VPS13A: variants seen among roughly 807,000 people sequenced by gnomAD.
VPS13A encodes the protein vacuolar protein sorting 13 homolog A, also known as intermembrane lipid transfer protein VPS13A.
VPS13A carries 264 observed loss-of-function variants against 390.9 expected under a neutral mutation model. That is an observed-to-expected ratio of 0.68 (90% CI 0.61 to 0.75). VPS13A has a LOEUF of 0.75. Ranked by LOEUF, VPS13A falls within the 30% of genes least tolerant of loss-of-function variation. The pLI is 0.00. For missense variants in VPS13A, 3,409 were observed against 3,733.9 expected (o/e 0.91, Z 2.27); for synonymous variants, 1,231 against 1,227.1 (o/e 1.00, Z -0.07).
At chr9:77,393,404 C>T (rs1355946600) in intron 68 of VPS13A, among the ~76,000 whole-genome samples, 1 of 152,172 alleles carries the variant, frequency 6.6e-6, no homozygotes, top group East Asian at 1.9e-4. Context: ...ATTTTGACCT[C>T]GTCTTATTAA....
In VPS13A at chr9:77,393,796, G is replaced by A. The variant is rs188594086; in HGVS notation, c.9190-9440G>A. ...TTCTTTTTCTTTTTTTTGAGACGGAGTCTCGCTCTGTCACCCAGGTAGCCT... is the reference window on the plus strand; with the variant it reads ...TTCTTTTTCTTTTTTTTGAGACGGAATCTCGCTCTGTCACCCAGGTAGCCT... On this transcript the variant is annotated intron_variant, in intron 68 of 71. Coordinates refer to ENST00000360280, the MANE Select transcript of VPS13A (RefSeq NM_033305.3). Among the ~76,000 whole-genome samples the A allele has an allele frequency of 2.4e-3, 369 of 152,224 alleles. 2 individuals are homozygous for A. Among genetic ancestry groups the A allele is most frequent in the African/African-American group, 8.6e-3 (356 of 41,532 alleles).
chr9:77,289,170 T>C (rs144188356), intron 31 of VPS13A, among the ~76,000 whole-genome samples: 1 of 152,292 alleles, frequency 6.6e-6, no homozygotes, highest in East Asian at 1.9e-4. Context: ...GTGTTTAAGC[T>C]CGCCTCAGCC....
At chr9:77,381,309 A>C (rs1833421607) in intron 67 of VPS13A, among the ~76,000 whole-genome samples, 1 of 152,086 alleles carries the variant, frequency 6.6e-6, no homozygotes, top group African/African-American at 2.4e-5. Flanking sequence ...AGAGCAGTGT[A>C]TGCTGCCCAG....
At chr9:77,263,095 G>C (rs866890616) in intron 23 of VPS13A, among the ~76,000 whole-genome samples, 1 of 149,284 alleles carries the variant, frequency 6.7e-6, no homozygotes, top group Non-Finnish European at 1.5e-5. Context: ...TCTAGCATCT[G>C]TTGTTTCCCA....
intron 23 of VPS13A, 51 bp downstream of exon 23, chr9:77,260,275 A>G: frequency 6.3e-7 from 1 of 1,581,240 alleles, no homozygotes; most frequent in Non-Finnish European, 8.7e-7. Flanking sequence ...AAGTCCACAA[A>G]TAGTATTTCA....
intron 23 of VPS13A, among the ~76,000 whole-genome samples, chr9:77,262,369 T>C: frequency 6.6e-6 from 1 of 152,152 alleles, no homozygotes; most frequent in East Asian, 1.9e-4. Flanking sequence ...TCTTTACTCA[T>C]GTTTAAATGC....
intron 53 of VPS13A, 32 bp from the exon 54 acceptor site, chr9:77,353,377 G>GTTTT (rs368165342): frequency 6.1e-5 from 78 of 1,275,764 alleles, no homozygotes; most frequent in South Asian, 2.4e-4. Context: ...TAATTTTTTG[G>GTTTT]TTTTTTTTTT....
chr9:77,205,260 A>G (rs1475977931), intron 3 of VPS13A, 53 bp from the exon 4 acceptor site: 2 of 957,956 alleles, frequency 2.1e-6, no homozygotes, highest in South Asian at 1.9e-5. Flanking sequence ...CCATAAATGC[A>G]GGTTGAAGGA....
intron 71 of VPS13A, among the ~76,000 whole-genome samples, chr9:77,409,878 A>G (rs898786769): frequency 9.2e-5 from 14 of 151,442 alleles, no homozygotes; most frequent in Non-Finnish European, 1.6e-4. Flanking sequence ...TCTGCAGGAT[A>G]TTATCCAGGA....
At chr9:77,213,145 G>A (rs1826065387) in intron 8 of VPS13A, 89 bp from the exon 9 acceptor site, 5 of 1,526,774 alleles carry the variant, frequency 3.3e-6, no homozygotes, top group Non-Finnish European at 4.5e-6. Flanking sequence ...TCTGTGATAT[G>A]GCTCACTTAA....
chr9:77,390,663 T>G (rs888550784), intron 68 of VPS13A, among the ~76,000 whole-genome samples: 11 of 113,722 alleles, frequency 9.7e-5, no homozygotes, highest in Non-Finnish European at 1.6e-4. Context: ...TCCCTCTCTT[T>G]TTGTTGTTGT....
chr9:77,179,539 A>ATT (rs978386344), intron 1 of VPS13A, among the ~76,000 whole-genome samples: 22 of 152,262 alleles, frequency 1.4e-4, no homozygotes, highest in Middle Eastern at 3.4e-3. Context: ...GACTGTAAGT[A>ATT]TTTATCTGTT....
At chr9:77,359,008 C>G (rs936800167) in intron 57 of VPS13A, among the ~76,000 whole-genome samples, 2 of 152,070 alleles carry the variant, frequency 1.3e-5, no homozygotes, top group South Asian at 2.1e-4. Flanking sequence ...GCTTTTTGGC[C>G]AGTATAATGC....
rs1375819353 is a variant in VPS13A at position 77,207,228 on chromosome 9, T to C, written c.385+1149T>C. 4.3e-5 allele frequency among the ~76,000 whole-genome samples: 4 copies of C among 93,360 alleles called. 1 individual carries two copies. Among genetic ancestry groups the C allele is most frequent in the Admixed American group, 3.9e-4 (3 of 7,714 alleles). 61.2% of individuals were successfully genotyped at this position (93,360 alleles called of 152,430 possible). On this transcript the variant is annotated intron_variant, in intron 5 of 71. Transcript: ENST00000360280. ...TATTTAGATATTATATATATATATA[T>C]ATATATATATATATATATATATATA...
intron 24 of VPS13A, among the ~76,000 whole-genome samples, chr9:77,274,567 A>T (rs1338596314): frequency 6.6e-6 from 1 of 152,046 alleles, no homozygotes; most frequent in African/African-American, 2.4e-5. Flanking sequence ...ATTTTGCTAT[A>T]GTATATTTAA....
chr9:77,239,791 T>G (rs946274065), intron 19 of VPS13A, among the ~76,000 whole-genome samples: 9 of 152,004 alleles, frequency 5.9e-5, no homozygotes, highest in African/African-American at 1.9e-4. Flanking sequence ...TTTCTTGCCT[T>G]CCTTTGGATA....
intron 45 of VPS13A, among the ~76,000 whole-genome samples, 182 bp from the exon 46 acceptor site, chr9:77,331,828 T>C (rs996844024): frequency 6.6e-6 from 1 of 152,036 alleles, no homozygotes; most frequent in African/African-American, 2.4e-5. Context: ...TATAAAACTA[T>C]AGAGATTTTT....
chr9:77,368,806 C>G (rs1434758369), intron 62 of VPS13A, among the ~76,000 whole-genome samples: 1 of 152,100 alleles, frequency 6.6e-6, no homozygotes, highest in Non-Finnish European at 1.5e-5. Context: ...ATTTTTAATA[C>G]TATAATACCA....
chr9:77,209,956 T>C (rs1028371333), intron 6 of VPS13A, among the ~76,000 whole-genome samples: 1 of 152,194 alleles, frequency 6.6e-6, no homozygotes, highest in Non-Finnish European at 1.5e-5. Flanking sequence ...TGTTAGTCTT[T>C]TTTAATAATT....
Sources: allele counts gnomAD v4.1 joint callset (sites outside exome capture counted in the v4.1 genomes callset), GRCh38; gene constraint gnomAD v4.1.1; transcripts MANE v1.5; gene names NCBI Gene and HGNC (gene_info 2026-07-23, HGNC 2026-07-21).